FSTL3: variants seen among roughly 807,000 people sequenced by gnomAD.
The protein encoded by FSTL3 is follistatin like 3.
A neutral mutation model predicts 28.1 loss-of-function variants in FSTL3; 21 were observed. The observed-to-expected ratio is 0.75, with a 90% CI of 0.53 to 1.08. FSTL3 has a LOEUF of 1.08. Ranked by LOEUF, FSTL3 falls within the 50% of genes least tolerant of loss-of-function variation. FSTL3 has a pLI of 0.00. For missense variants in FSTL3, 400 were observed against 380.9 expected, an observed-to-expected ratio of 1.05 and a Z score of -0.42; for synonymous variants, 199 against 164.2, an observed-to-expected ratio of 1.21 and a Z score of -1.62.
At chr19:681,609 C>A in intron 4 of FSTL3, 41 bp from the exon 5 acceptor site, 1 of 1,593,864 alleles carries the variant, frequency 6.3e-7, no homozygotes, top group Non-Finnish European at 8.5e-7. Context: ...GCCGGAGAAC[C>A]CCCTGCCCTG....
Position 676,401 on chromosome 19 carries a change from C to A in FSTL3, c.-23C>A. 2.0e-6 allele frequency: 2 copies of A among 984,454 alleles called. No homozygotes were observed. The highest frequency in any genetic ancestry group is 2.6e-6 in the Non-Finnish European group (2 of 773,586). 61.0% of individuals were successfully genotyped at this position (984,454 alleles called of 1,614,324 possible). A position where few individuals can be genotyped will look rare whatever the true frequency, so the allele number is the denominator to read the frequency against. On this transcript the variant is annotated 5_prime_UTR_variant, in exon 1 of 5. Coordinates refer to ENST00000166139, the MANE Select transcript of FSTL3 (RefSeq NM_005860.3). Reference sequence around the variant, plus strand: ...CCGGCCGCGCGCTGGGAAGTCGGTGCCGCTGCCGTCTCTGCGTTCGCCATG... The same window carrying A: ...CCGGCCGCGCGCTGGGAAGTCGGTGACGCTGCCGTCTCTGCGTTCGCCATG...
intron 2 of FSTL3, among the ~76,000 whole-genome samples, chr19:678,499 GTTTTTTTTTTT>G (rs746126061): frequency 2.3e-4 from 21 of 91,232 alleles, no homozygotes; most frequent in African/African-American, 5.7e-4. Flanking sequence ...GAGGATGATG[GTTTTTTTTTTT>G]TTTTTTTTTT....
At chr19:678,021 A>G (rs748871767) in intron 2 of FSTL3, 44 bp downstream of exon 2, 2 of 1,551,574 alleles carry the variant, frequency 1.3e-6, no homozygotes, top group Admixed American at 3.6e-5. Context: ...TCAGCTCAGG[A>G]CCAGCCACAA....
At chr19:680,783 G>A in intron 3 of FSTL3, 1 of 318,346 alleles carries the variant, frequency 3.1e-6, no homozygotes, top group Non-Finnish European at 5.7e-6. Flanking sequence ...GAGTAAGGGC[G>A]TCTTTATACT....
In FSTL3 at chr19:677,861, G is replaced by A. The variant is rs769455629; in HGVS notation, c.173G>A (p.Arg58Gln). ...CTGGTGCTCCAGACTGATGTCACCCGGGCCGAGTGCTGTGCCTCCGGCAAC... is the reference window on the plus strand; with the variant it reads ...CTGGTGCTCCAGACTGATGTCACCCAGGCCGAGTGCTGTGCCTCCGGCAAC... ...CSLVLQTDVTRAECCASGNID... is the reference protein window; with the variant it reads ...CSLVLQTDVTQAECCASGNID... The change falls in exon 2 of 5, where the codon CGG becomes CAG. Residue 58 changes from arginine (R) to glutamine (Q), a missense_variant. Physicochemically the swap from Arg to Gln is conservative, Grantham distance 43 (BLOSUM62 1). Coordinates refer to ENST00000166139, the MANE Select transcript of FSTL3 (RefSeq NM_005860.3). 64 of 1,613,122 alleles carry A rather than the reference G, an allele frequency of 4.0e-5. No individual in the cohort carries two copies. In the Admixed American group the frequency reaches 6.5e-4, roughly 16 times the overall value.
At chr19:678,285 T>G (rs1682333867) in intron 2 of FSTL3, among the ~76,000 whole-genome samples, 1 of 152,146 alleles carries the variant, frequency 6.6e-6, no homozygotes, top group Non-Finnish European at 1.5e-5. Context: ...CCTGGGAAGG[T>G]GGGTTTGCCA....
chr19:678,500 T>TG (rs1568202607), intron 2 of FSTL3, among the ~76,000 whole-genome samples: 1 of 45,780 alleles, frequency 2.2e-5, no homozygotes, highest in East Asian at 4.7e-4. Context: ...AGGATGATGG[T>TG]TTTTTTTTTT....
At chr19:678,585 A>T (rs145244721) in intron 2 of FSTL3, among the ~76,000 whole-genome samples, 13 of 132,482 alleles carry the variant, frequency 9.8e-5, no homozygotes, top group African/African-American at 3.8e-4. Context: ...ATTTTGGCTC[A>T]CTGCAACTTC....
Position 681,814 on chromosome 19 carries a change from C to A in FSTL3, c.*106C>A. ...ATATGCCACGGACACTCCTTAGAGC[C>A]CGGATTCGGACCACTTGGGGATCCC... On this transcript the variant is annotated 3_prime_UTR_variant, in exon 5 of 5. Transcript: ENST00000166139. 9.7e-7 allele frequency: 1 copy of A among 1,028,824 alleles called. No homozygotes were observed. Among genetic ancestry groups the A allele is most frequent in the Non-Finnish European group, 1.5e-6 (1 of 682,462 alleles). 63.7% of individuals were successfully genotyped at this position (1,028,824 alleles called of 1,614,324 possible). A position where few individuals can be genotyped will look rare whatever the true frequency, so the allele number is the denominator to read the frequency against.
chr19:681,129 T>C (rs1254093602), intron 3 of FSTL3, among the ~76,000 whole-genome samples: 8 of 128,824 alleles, frequency 6.2e-5, no homozygotes, highest in Non-Finnish European at 1.3e-4. Flanking sequence ...GTGTGGCTCC[T>C]GGGTACAATG....
At chr19:676,852 T>C (rs962326322) in intron 1 of FSTL3, among the ~76,000 whole-genome samples, 4 of 152,154 alleles carry the variant, frequency 2.6e-5, no homozygotes, top group African/African-American at 7.2e-5. Context: ...ACACAGCCTG[T>C]AGCAGGCAAA....
Position 680,434 on chromosome 19 carries a change from C to CGCGCGCT in FSTL3, c.453_459dup (p.Arg154AlafsTer21). On this transcript the variant is annotated frameshift_variant, in exon 3 of 5. Coordinates refer to ENST00000166139, the MANE Select transcript of FSTL3 (RefSeq NM_005860.3). LOFTEE classifies it high-confidence loss of function. ...ACCGCGACGAGTGCGAGCTGCGCGC[C>CGCGCGCT]GCGCGCTGCCGCGGCCACCCGGACC... 1.6e-6 allele frequency: 2 copies of CGCGCGCT among 1,264,752 alleles called. No individual in the cohort carries two copies. The highest frequency in any genetic ancestry group is 2.0e-6 in the Non-Finnish European group (2 of 1,007,306). 78.3% of individuals were successfully genotyped at this position (1,264,752 alleles called of 1,614,324 possible).
At chr19:679,132 C>T (rs1479003545) in intron 2 of FSTL3, among the ~76,000 whole-genome samples, 1 of 152,082 alleles carries the variant, frequency 6.6e-6, no homozygotes, top group Non-Finnish European at 1.5e-5. Flanking sequence ...GAAGGACAGT[C>T]TTCAAAAAGT....
intron 2 of FSTL3, among the ~76,000 whole-genome samples, chr19:678,376 G>A (rs147869863): frequency 2.9e-4 from 44 of 152,178 alleles, no homozygotes; most frequent in Middle Eastern, 3.4e-3. Context: ...ACAGCTGCAT[G>A]TTTAACAAGC....
intron 3 of FSTL3, 47 bp from the exon 4 acceptor site, chr19:681,286 T>C (rs1600661036): frequency 7.3e-7 from 1 of 1,367,668 alleles, no homozygotes; most frequent in Non-Finnish European, 9.9e-7. Flanking sequence ...CCCTGCGGGG[T>C]TCTCAGCGAG....
rs2031361844 is a variant in FSTL3, at chr19:682,513, C to G, written c.*805C>G. The G allele has an allele frequency of 4.3e-6, 1 of 233,978 alleles. No homozygotes were observed. The highest frequency in any genetic ancestry group is 2.2e-5 in the African/African-American group (1 of 45,344). 14.5% of individuals were successfully genotyped at this position (233,978 alleles called of 1,614,324 possible). A position where few individuals can be genotyped will look rare whatever the true frequency, so the allele number is the denominator to read the frequency against. On this transcript the variant is annotated 3_prime_UTR_variant, in exon 5 of 5. Transcript: ENST00000166139. The stretch of plus-strand genomic sequence containing the variant: ...CCTTCATGAAGGCCAAGAAGGCTGC[C>G]ACCATTCCCTGCCAGCCCAAGAACT...
intron 1 of FSTL3, 98 bp downstream of exon 1, chr19:676,624 C>CG (rs990873264): frequency 3.4e-6 from 1 of 291,846 alleles, no homozygotes; most frequent in South Asian, 1.4e-4. Flanking sequence ...GCGGCGGCGG[C>CG]GGGGGCGAGG....
chr19:680,579 G>A (rs1050137007), intron 3 of FSTL3, 90 bp downstream of exon 3: 5 of 822,796 alleles, frequency 6.1e-6, no homozygotes, highest in Non-Finnish European at 6.5e-6. Context: ...GTAGGCGGGG[G>A]CGGGGCCTGG....
At chr19:681,074 G>T (rs2031322408) in intron 3 of FSTL3, among the ~76,000 whole-genome samples, 1 of 151,682 alleles carries the variant, frequency 6.6e-6, no homozygotes, top group Non-Finnish European at 1.5e-5. Flanking sequence ...AGTCGCGGAG[G>T]GGCGGGGCTT....
Sources: allele counts gnomAD v4.1 joint callset (sites outside exome capture counted in the v4.1 genomes callset), GRCh38; gene constraint gnomAD v4.1.1; transcripts MANE v1.5; gene names NCBI Gene and HGNC (gene_info 2026-07-23, HGNC 2026-07-21).